The following RAB17 variants were observed in gnomAD, a reference collection of about 807,000 sequenced individuals.
The protein encoded by RAB17 is RAB17, member RAS oncogene family.
A neutral mutation model predicts 19.3 loss-of-function variants in RAB17; 15 were observed. The ratio of observed to expected loss-of-function variants is 0.78; its 90% CI spans 0.52 to 1.20. The LOEUF is 1.20. Ranked by LOEUF, RAB17 falls within the 50% of genes most tolerant of loss-of-function variation. The probability of loss-of-function intolerance (pLI) is 0.00; values close to 1 mark genes in which losing one functional copy is unlikely to be tolerated. For missense variants in RAB17, 262 were observed against 269.3 expected, an observed-to-expected ratio of 0.97 and a Z score of 0.19; for synonymous variants, 110 against 112.8, an observed-to-expected ratio of 0.97 and a Z score of 0.16.
chr2:237,587,573 A>C (rs895702161), intron 1 of RAB17, among the ~76,000 whole-genome samples: 5 of 152,196 alleles, frequency 3.3e-5, no homozygotes, highest in Admixed American at 6.5e-5. Flanking sequence ...CAATCTCAAA[A>C]CAAATAGGAC....
chr2:237,576,519 C>T lies in RAB17; in HGVS notation c.435+738G>A, dbSNP rs1388357351. The T allele has an allele frequency of 6.5e-6, 3 of 460,852 alleles. No homozygotes were observed. In the Admixed American group the frequency reaches 7.1e-5, roughly 11 times the overall value. 28.5% of individuals were successfully genotyped at this position (460,852 alleles called of 1,614,324 possible). ...CTCCCCCGAGATTCTCCAAAATCTT[C>T]ACCCCACTTCTCCATCTCTCCACAG... On this transcript the variant is annotated intron_variant, in intron 4 of 5. Transcript: ENST00000264601.
chr2:237,574,962 G>C lies in RAB17; in HGVS notation c.*57C>G. 7.6e-7 allele frequency: 1 copy of C among 1,314,634 alleles called. No homozygotes were observed. The highest frequency in any genetic ancestry group is 1.0e-6 in the Non-Finnish European group (1 of 952,854). 81.4% of individuals were successfully genotyped at this position (1,314,634 alleles called of 1,614,324 possible). On this transcript the variant is annotated 3_prime_UTR_variant, in exon 6 of 6. Transcript: ENST00000264601. ...GACAGTGAATCAGAATCCACCTAGAGCTGGCCATGGCCCAGGCAGGGGGTG... is the reference window on the plus strand; with the variant it reads ...GACAGTGAATCAGAATCCACCTAGACCTGGCCATGGCCCAGGCAGGGGGTG...
chr2:237,576,171 G>A (rs948767220), intron 4 of RAB17, among the ~76,000 whole-genome samples: 5 of 152,062 alleles, frequency 3.3e-5, no homozygotes, highest in African/African-American at 4.8e-5. Context: ...AGGTGTGGCC[G>A]GCCATGCCCC....
chr2:237,576,884 C>T (rs955948564), intron 4 of RAB17, among the ~76,000 whole-genome samples: 1 of 152,114 alleles, frequency 6.6e-6, no homozygotes, highest in Non-Finnish European at 1.5e-5. Context: ...TCGTTCAAGC[C>T]GAGCCCACCC....
At chr2:237,588,213 C>G (rs1043119896) in intron 1 of RAB17, among the ~76,000 whole-genome samples, 1 of 144,110 alleles carries the variant, frequency 6.9e-6, no homozygotes, top group Non-Finnish European at 1.5e-5. Context: ...CCACGCCCAG[C>G]ACAGATTAAC....
chr2:237,584,701 A>G (rs1396206174), intron 2 of RAB17, among the ~76,000 whole-genome samples: 3 of 152,152 alleles, frequency 2.0e-5, no homozygotes, highest in Non-Finnish European at 4.4e-5. Context: ...CCAGCCACCC[A>G]GGTACAAAGC....
intron 1 of RAB17, among the ~76,000 whole-genome samples, chr2:237,589,608 A>C (rs929549917): frequency 9.5e-6 from 1 of 104,762 alleles, no homozygotes; most frequent in African/African-American, 8.5e-5. Context: ...GTAAGCTTTC[A>C]ATAATGAGAG....
intron 2 of RAB17, chr2:237,578,415 C>G: frequency 2.7e-6 from 1 of 376,536 alleles, no homozygotes; most frequent in Non-Finnish European, 4.8e-6. Flanking sequence ...TCTCCAGGAC[C>G]TAATACAAAA....
intron 2 of RAB17, 32 bp downstream of exon 2, chr2:237,585,966 G>T: frequency 6.4e-7 from 1 of 1,559,514 alleles, no homozygotes; most frequent in Non-Finnish European, 8.7e-7. Flanking sequence ...CTGCACTGAA[G>T]ACCAACAAAG....
intron 5 of RAB17, 58 bp from the exon 6 acceptor site, chr2:237,575,186 G>T: frequency 6.9e-7 from 1 of 1,450,922 alleles, no homozygotes; most frequent in Non-Finnish European, 9.5e-7. Flanking sequence ...GCCCAGCACA[G>T]CCCTGCAGAC....
chr2:237,576,774 G>T (rs973254329), intron 4 of RAB17: 3 of 468,788 alleles, frequency 6.4e-6, no homozygotes, highest in Non-Finnish European at 8.9e-6. Flanking sequence ...CTGTAAGGAG[G>T]ACTGACAAAA....
rs1298361254 is a variant in RAB17, at chr2:237,577,993, G to A, written c.309+11C>T. 6.3e-7 allele frequency: 1 copy of A among 1,592,614 alleles called. No homozygotes were observed. Among genetic ancestry groups the A allele is most frequent in the Non-Finnish European group, 8.6e-7 (1 of 1,163,828 alleles). ...GAAGGAGGGTGGGACGTGCCTCAAG[G>A]CGGGCCCTACCTTCCTGGTGATGTC... On this transcript the variant is annotated intron_variant, in intron 3 of 5. Coordinates refer to ENST00000264601, the MANE Select transcript of RAB17 (RefSeq NM_022449.4).
intron 1 of RAB17, among the ~76,000 whole-genome samples, chr2:237,586,681 C>T (rs1308724524): frequency 6.6e-6 from 1 of 152,116 alleles, no homozygotes; most frequent in Admixed American, 6.5e-5. Flanking sequence ...GCCTCAGAAC[C>T]CACAGTAATA....
chr2:237,585,328 T>A, intron 2 of RAB17: 1 of 168,374 alleles, frequency 5.9e-6, no homozygotes, highest in East Asian at 1.9e-4. Flanking sequence ...ACGCTGGCTT[T>A]CCCCATTTCA....
At chr2:237,582,874 A>C (rs2081318864) in intron 2 of RAB17, among the ~76,000 whole-genome samples, 1 of 152,258 alleles carries the variant, frequency 6.6e-6, no homozygotes, top group Non-Finnish European at 1.5e-5. Flanking sequence ...TGGGAGGCCA[A>C]GGGTGGTGGA....
At chr2:237,576,529 C>T in intron 4 of RAB17, 1 of 466,346 alleles carries the variant, frequency 2.1e-6, no homozygotes. Context: ...CACCCCACTT[C>T]TCCATCTCTC....
intron 2 of RAB17, chr2:237,578,369 G>C (rs929630333): frequency 2.0e-6 from 1 of 497,940 alleles, no homozygotes; most frequent in Non-Finnish European, 3.6e-6. Flanking sequence ...GATTGCTATG[G>C]GGCCTTTGGA....
chr2:237,575,386 C>T lies in RAB17; in HGVS notation c.529+1G>A. On this transcript the variant is annotated splice_donor_variant, in intron 5 of 5. Transcript: ENST00000264601. LOFTEE classifies it high-confidence loss of function. ...GTCTGGCCCACGGGGACGTGACTCA[C>T]CCACTGTATTGAACACCTCCGACAC... The T allele has an allele frequency of 6.2e-7, 1 of 1,607,384 alleles. No homozygotes were observed. Among genetic ancestry groups the T allele is most frequent in the South Asian group, 1.1e-5 (1 of 90,568 alleles).
chr2:237,583,778 CAGAG>C (rs2081326375), intron 2 of RAB17, among the ~76,000 whole-genome samples: 1 of 152,166 alleles, frequency 6.6e-6, no homozygotes, highest in Non-Finnish European at 1.5e-5. Flanking sequence ...TCCTTCCCCT[CAGAG>C]AGAGGAGATA....
Sources: allele counts gnomAD v4.1 joint callset (sites outside exome capture counted in the v4.1 genomes callset), GRCh38; gene constraint gnomAD v4.1.1; transcripts MANE v1.5; gene names NCBI Gene and HGNC (gene_info 2026-07-23, HGNC 2026-07-21).